The following GPC5 variants were observed in gnomAD, a reference collection of about 807,000 sequenced individuals.
The protein encoded by GPC5 is glypican-5.
GPC5 carries 47 observed loss-of-function variants against 53.9 expected under a neutral mutation model. That is an observed-to-expected ratio of 0.87 (90% CI 0.69 to 1.11). GPC5 has a LOEUF of 1.11. GPC5 is among the 50% of genes most tolerant of loss of function. GPC5 has a pLI of 0.00. For missense variants in GPC5, 748 were observed against 713.1 expected (o/e 1.05, Z -0.56); for synonymous variants, 286 against 263.3 (o/e 1.09, Z -0.84).
intron 6 of GPC5, among the ~76,000 whole-genome samples, chr13:91,930,515 A>G (rs2039811215): frequency 6.6e-6 from 1 of 152,088 alleles, no homozygotes; most frequent in Non-Finnish European, 1.5e-5. Flanking sequence ...TAAACAATTC[A>G]GAGATAACTC....
chr13:92,410,202 A>G (rs781120799), intron 7 of GPC5, among the ~76,000 whole-genome samples: 3 of 152,202 alleles, frequency 2.0e-5, no homozygotes, highest in Non-Finnish European at 4.4e-5. Context: ...TGTATTGTGT[A>G]GTTGACCTGA....
chr13:92,167,296 A>T (rs73622730), intron 7 of GPC5, among the ~76,000 whole-genome samples: 3,823 of 152,216 alleles, frequency 0.025, 149 homozygotes, highest in African/African-American at 0.087. Context: ...CACCATTTTC[A>T]GGGCATTGAT....
chr13:91,825,593 G>A (rs2038564423), intron 5 of GPC5, among the ~76,000 whole-genome samples: 1 of 152,088 alleles, frequency 6.6e-6, no homozygotes, highest in Non-Finnish European at 1.5e-5. Context: ...TGAAATCACA[G>A]AAAAATGGCC....
At chr13:91,907,313 T>C (rs1004986452) in intron 5 of GPC5, among the ~76,000 whole-genome samples, 1 of 148,074 alleles carries the variant, frequency 6.8e-6, no homozygotes, top group African/African-American at 2.5e-5. Flanking sequence ...TTTTATCATG[T>C]CCAATTGATA....
chr13:92,165,981 G>A (rs1394205269), intron 7 of GPC5, among the ~76,000 whole-genome samples: 2 of 152,136 alleles, frequency 1.3e-5, no homozygotes, highest in Non-Finnish European at 2.9e-5. Flanking sequence ...ATAACGTTAG[G>A]ATTGTCTCTG....
At chr13:92,741,468 TAAG>T (rs1889091821) in intron 7 of GPC5, among the ~76,000 whole-genome samples, 1 of 151,980 alleles carries the variant, frequency 6.6e-6, no homozygotes, top group Non-Finnish European at 1.5e-5. Context: ...TTCATAACTA[TAAG>T]AAATCCATTC....
At chr13:91,767,896 T>A (rs909126086) in intron 5 of GPC5, among the ~76,000 whole-genome samples, 1 of 152,170 alleles carries the variant, frequency 6.6e-6, no homozygotes, top group Non-Finnish European at 1.5e-5. Context: ...GACTTCCAGA[T>A]TGTGTAATTG....
In GPC5 at chr13:91,846,505, T is replaced by A. The variant is rs1306167211; in HGVS notation, c.1281-61432T>A. On this transcript the variant is annotated intron_variant, in intron 5 of 7. Transcript: ENST00000377067. The stretch of plus-strand genomic sequence containing the variant: ...ACTGAAGTTGATGGTCAAGTATACC[T>A]TTATAATAAGCTAAGCAGCTTTAGG... 2.0e-5 allele frequency among the ~76,000 whole-genome samples: 3 copies of A among 152,118 alleles called. No homozygotes were observed. In the East Asian group the frequency reaches 5.8e-4, roughly 29 times the overall value.
intron 7 of GPC5, among the ~76,000 whole-genome samples, chr13:92,587,916 T>G (rs1222535331): frequency 2.0e-5 from 3 of 152,034 alleles, no homozygotes; most frequent in South Asian, 2.1e-4. Context: ...GGCCTATTCT[T>G]TTTTTTGTTA....
intron 6 of GPC5, among the ~76,000 whole-genome samples, chr13:91,922,625 T>C (rs932098729): frequency 6.6e-6 from 1 of 152,234 alleles, no homozygotes; most frequent in East Asian, 1.9e-4. Flanking sequence ...TGTATTCTTA[T>C]GTTCCTTGGC....
Position 92,031,955 on chromosome 13 carries a change from ATATAT to A in GPC5, c.1402-112869_1402-112865del, listed in dbSNP as rs897731687. Among the ~76,000 whole-genome samples, 283 of 123,806 alleles carry A rather than the reference ATATAT, an allele frequency of 2.3e-3. 4 individuals are homozygous for A. The highest frequency in any genetic ancestry group is 2.0e-3 in the Non-Finnish European group (124 of 62,460). 81.2% of individuals were successfully genotyped at this position (123,806 alleles called of 152,430 possible). A position where few individuals can be genotyped will look rare whatever the true frequency, so the allele number is the denominator to read the frequency against. On this transcript the variant is annotated intron_variant, in intron 6 of 7. Coordinates refer to ENST00000377067, the MANE Select transcript of GPC5 (RefSeq NM_004466.6). ...TATATATTACATAGTATTCCATCAG[ATATAT>A]TATATAATATATATTCATTACATAT...
chr13:92,860,269 A>G (rs1432477531), intron 7 of GPC5, among the ~76,000 whole-genome samples: 1 of 152,168 alleles, frequency 6.6e-6, no homozygotes, highest in Admixed American at 6.6e-5. Flanking sequence ...CACAAGGAAT[A>G]GAAAAGGCTT....
chr13:91,807,819 T>C (rs2038245973), intron 5 of GPC5, among the ~76,000 whole-genome samples: 1 of 152,144 alleles, frequency 6.6e-6, no homozygotes, highest in African/African-American at 2.4e-5. Flanking sequence ...TTGAGAGATA[T>C]TCAGAGAAAC....
intron 7 of GPC5, among the ~76,000 whole-genome samples, chr13:92,484,052 C>T (rs768458734): frequency 6.6e-6 from 1 of 152,152 alleles, no homozygotes; most frequent in Non-Finnish European, 1.5e-5. Flanking sequence ...GTGGGAGGAC[C>T]GCTTGAGCCC....
intron 7 of GPC5, among the ~76,000 whole-genome samples, chr13:92,429,627 G>C (rs1876998947): frequency 6.6e-6 from 1 of 151,704 alleles, no homozygotes; most frequent in African/African-American, 2.4e-5. Flanking sequence ...CATATCATTT[G>C]CTGTTTGTTT....
chr13:92,151,112 G>C lies in GPC5; in HGVS notation c.1561+6123G>C, dbSNP rs185047550. ...GTAGAAAGAAATTAGGTATATCTTC[G>C]GGTCTTTAATGACTTCAGTCCCTCT... is the stretch of plus-strand genomic sequence containing the variant. On this transcript the variant is annotated intron_variant, in intron 7 of 7. Transcript: ENST00000377067. Among the ~76,000 whole-genome samples the C allele has an allele frequency of 7.7e-3, 1,164 of 152,052 alleles. 18 individuals carry two copies. Among genetic ancestry groups the C allele is most frequent in the African/African-American group, 0.027 (1,110 of 41,496 alleles).
At chr13:92,341,688 G>A (rs2043368017) in intron 7 of GPC5, among the ~76,000 whole-genome samples, 1 of 152,000 alleles carries the variant, frequency 6.6e-6, no homozygotes, top group Non-Finnish European at 1.5e-5. Flanking sequence ...CAGTGATTTG[G>A]GAGGTTGAGA....
At chr13:92,192,705 T>G (rs2139049825) in intron 7 of GPC5, among the ~76,000 whole-genome samples, 1 of 152,332 alleles carries the variant, frequency 6.6e-6, no homozygotes, top group South Asian at 2.1e-4. Context: ...AGCTTTCATT[T>G]TAGATTAATT....
chr13:91,398,906 C>A lies in GPC5; in HGVS notation c.-141C>A. ...AACTGCTCCCAGGTGAAGCCGGTGC[C>A]CGCGGGCGGTCCGTACACCCCGCAG... On this transcript the variant is annotated 5_prime_UTR_variant, in exon 1 of 8. Transcript: ENST00000377067. 2 of 1,050,380 alleles carry A rather than the reference C, an allele frequency of 1.9e-6. No homozygotes were observed. Among genetic ancestry groups the A allele is most frequent in the Non-Finnish European group, 2.6e-6 (2 of 758,112 alleles). The allele number at this position is 1,050,380 out of a possible 1,614,324, so 65.1% of individuals were successfully genotyped here.
Sources: allele counts gnomAD v4.1 joint callset (sites outside exome capture counted in the v4.1 genomes callset), GRCh38; gene constraint gnomAD v4.1.1; transcripts MANE v1.5; gene names NCBI Gene and HGNC (gene_info 2026-07-23, HGNC 2026-07-21).